The following GPCPD1 variants were observed in gnomAD, a reference collection of about 807,000 sequenced individuals.
GPCPD1 encodes glycerophosphocholine phosphodiesterase GPCPD1.
A neutral mutation model predicts 89.2 loss-of-function variants in GPCPD1; 29 were observed. That is an observed-to-expected ratio of 0.33 (90% CI 0.24 to 0.44). The LOEUF is 0.44. Among genes scored for constraint, GPCPD1 ranks in the 20% least tolerant of loss-of-function variants. GPCPD1 has a pLI of 1.00. For synonymous variants in GPCPD1, 258 were observed against 266.3 expected (o/e 0.97, Z 0.30); for missense variants, 594 against 808.9 (o/e 0.73, Z 3.22).
Position 5,593,363 on chromosome 20 carries a change from C to A in GPCPD1, c.195G>T (p.Gln65His). The A allele has an allele frequency of 6.3e-7, 1 of 1,597,762 alleles. No individual in the cohort carries two copies. Residue 65 changes from glutamine to histidine, a missense_variant, in exon 4 of 20, where the codon CAG becomes CAT. Gln to His is a conservative substitution (Grantham distance 24). Transcript: ENST00000379019. Reference sequence around the variant, plus strand: ...AAAAGTACCCTTTGAAGTAGCGATACTGAACTGATACTCCTCTACTGAGTA... The same window carrying A: ...AAAAGTACCCTTTGAAGTAGCGATAATGAACTGATACTCCTCTACTGAGTA... The part of the protein sequence containing the change: ...TIVLSRGVSV[Q>H]YRYFKGYFLE...
At chr20:5,605,788 A>AT (rs1338405097) in intron 1 of GPCPD1, among the ~76,000 whole-genome samples, 1 of 151,824 alleles carries the variant, frequency 6.6e-6, no homozygotes, top group African/African-American at 2.4e-5. Context: ...AACTTTTCAG[A>AT]TTTTCTCTTT....
intron 15 of GPCPD1, 22 bp downstream of exon 15, chr20:5,564,995 T>C (rs1489614667): frequency 8.2e-7 from 1 of 1,219,302 alleles, no homozygotes; most frequent in Admixed American, 1.8e-5. Context: ...TAGCCTTGCC[T>C]TGGTTTTCCT....
intron 17 of GPCPD1, 83 bp from the exon 18 acceptor site, chr20:5,558,902 G>T: frequency 9.3e-7 from 1 of 1,074,034 alleles, no homozygotes. Flanking sequence ...AACACTGAAA[G>T]TATAAAGAAA....
intron 19 of GPCPD1, among the ~76,000 whole-genome samples, chr20:5,551,098 T>C (rs2122529237): frequency 6.6e-6 from 1 of 152,300 alleles, no homozygotes; most frequent in African/African-American, 2.4e-5. Flanking sequence ...TTATAATGCT[T>C]TGGCCTACTC....
intron 12 of GPCPD1, among the ~76,000 whole-genome samples, chr20:5,568,220 A>AATATACTTAGTATATATATAT (rs895304220): frequency 0.068 from 9,361 of 136,726 alleles, 504 homozygotes; most frequent in African/African-American, 0.18. Flanking sequence ...CTGTCCAACA[A>AATATACTTAGTATATATATAT]ATATACTTAG....
At chr20:5,553,969 T>TCC in intron 19 of GPCPD1, among the ~76,000 whole-genome samples, 1 of 138,136 alleles carries the variant, frequency 7.2e-6, no homozygotes, top group Non-Finnish European at 1.6e-5. Context: ...AACAACAGAT[T>TCC]TTCTTTTCTT....
chr20:5,592,513 A>T (rs1439917695), intron 4 of GPCPD1, among the ~76,000 whole-genome samples: 1 of 152,232 alleles, frequency 6.6e-6, no homozygotes, highest in East Asian at 1.9e-4. Context: ...GGCTAAGAGC[A>T]CGAGGTAACA....
chr20:5,596,395 A>T (rs1979731978), intron 3 of GPCPD1, among the ~76,000 whole-genome samples: 1 of 151,950 alleles, frequency 6.6e-6, no homozygotes, highest in South Asian at 2.1e-4. Context: ...CTGTCTAAAA[A>T]ATTTTAAAAA....
chr20:5,564,971 G>A lies in GPCPD1; in HGVS notation c.1329+46C>T, dbSNP rs375694687. 4.7e-5 allele frequency: 42 copies of A among 890,628 alleles called. No individual in the cohort carries two copies. The African/African-American group carries it at 6.3e-4, about 13-fold the overall frequency. The allele number at this position is 890,628 out of a possible 1,614,324, so 55.2% of individuals were successfully genotyped here. On this transcript the variant is annotated intron_variant, in intron 15 of 19. Coordinates refer to ENST00000379019, the MANE Select transcript of GPCPD1 (RefSeq NM_019593.5). ...AAACAAAAGTAAATTATTCATACAT[G>A]ACAAAGTTAATGATAGCCTTGCCTT... is the stretch of plus-strand genomic sequence containing the variant.
At chr20:5,600,926 G>T (rs1980089046) in intron 2 of GPCPD1, among the ~76,000 whole-genome samples, 1 of 152,134 alleles carries the variant, frequency 6.6e-6, no homozygotes, top group Non-Finnish European at 1.5e-5. Context: ...GCAGGTGGAG[G>T]GTGCAGTGAG....
intron 8 of GPCPD1, among the ~76,000 whole-genome samples, chr20:5,576,991 G>C (rs1308169525): frequency 6.6e-6 from 1 of 151,462 alleles, no homozygotes; most frequent in Non-Finnish European, 1.5e-5. Flanking sequence ...GATCGCTTGA[G>C]CCCAGGAGTT....
intron 2 of GPCPD1, among the ~76,000 whole-genome samples, chr20:5,599,330 G>C (rs1979963745): frequency 6.6e-6 from 1 of 151,956 alleles, no homozygotes; most frequent in Admixed American, 6.6e-5. Context: ...TGGGCGTGTG[G>C]GGGCAGATGC....
intron 19 of GPCPD1, chr20:5,549,128 A>T: frequency 1.5e-6 from 1 of 646,488 alleles, no homozygotes; most frequent in Non-Finnish European, 2.9e-6. Flanking sequence ...TGTTGAGCCC[A>T]TGTGGGAAGA....
intron 15 of GPCPD1, among the ~76,000 whole-genome samples, 179 bp downstream of exon 15, chr20:5,564,838 T>TCACA (rs111846425): frequency 1.3e-5 from 2 of 150,560 alleles, no homozygotes; most frequent in East Asian, 3.9e-4. Context: ...GGATTGTCAC[T>TCACA]CACACACACA....
chr20:5,602,104 C>T (rs1475114539), intron 2 of GPCPD1, among the ~76,000 whole-genome samples: 1 of 152,222 alleles, frequency 6.6e-6, no homozygotes, highest in Non-Finnish European at 1.5e-5. Flanking sequence ...AGCAGAGGGT[C>T]CTTCCTCCTG....
Position 5,598,836 on chromosome 20 carries a change from C to T in GPCPD1, c.50-15G>A, listed in dbSNP as rs1208657026. 1.3e-6 allele frequency: 2 copies of T among 1,498,004 alleles called. No homozygotes were observed. Among genetic ancestry groups the T allele is most frequent in the African/African-American group, 1.4e-5 (1 of 72,394 alleles). The allele number at this position is 1,498,004 out of a possible 1,614,324, so 92.8% of individuals were successfully genotyped here. On this transcript the variant is annotated splice_polypyrimidine_tract_variant and intron_variant, in intron 2 of 19. Transcript: ENST00000379019. ...AAAAACTTCTCCTAAAGAAACAGAA[C>T]AATCAGTCACAGAGAAACAGAACAA...
At chr20:5,559,727 G>A (rs1199515951) in intron 17 of GPCPD1, among the ~76,000 whole-genome samples, 1 of 152,152 alleles carries the variant, frequency 6.6e-6, no homozygotes, top group African/African-American at 2.4e-5. Context: ...AATAAAGGGT[G>A]TAAGGCTCTA....
intron 15 of GPCPD1, among the ~76,000 whole-genome samples, chr20:5,562,169 T>G (rs1467834770): frequency 6.6e-6 from 1 of 152,216 alleles, no homozygotes; most frequent in Non-Finnish European, 1.5e-5. Flanking sequence ...ATTGAAAATA[T>G]GAAACTTGGT....
intron 5 of GPCPD1, chr20:5,585,965 C>T: frequency 2.5e-6 from 1 of 403,090 alleles, no homozygotes; most frequent in East Asian, 3.8e-5. Context: ...CTAATCTAAC[C>T]CAAGAAAACA....
Sources: gnomAD v4.1 joint callset for allele counts (sites outside exome capture counted in the v4.1 genomes callset) on GRCh38, gnomAD v4.1.1 for gene constraint, MANE v1.5 for transcripts, NCBI Gene and HGNC (gene_info 2026-07-23, HGNC 2026-07-21) for gene names.